TEX50: variants seen among roughly 807,000 people sequenced by gnomAD.
The protein encoded by TEX50 is testis-expressed protein 50.
TEX50 carries 3 observed loss-of-function variants against 9.8 expected under a neutral mutation model. That is an observed-to-expected ratio of 0.31 (90% confidence interval 0.14 to 0.79). TEX50 has a LOEUF of 0.79. Ranked by LOEUF, TEX50 falls within the 30% of genes least tolerant of loss-of-function variation. The probability of loss-of-function intolerance (pLI) is 0.63; values close to 1 mark genes in which losing one functional copy is unlikely to be tolerated. For missense variants in TEX50, 164 were observed against 199.3 expected, an observed-to-expected ratio of 0.82 and a Z score of 1.07; for synonymous variants, 61 against 72.1, an observed-to-expected ratio of 0.85 and a Z score of 0.78.
Position 173,635,485 on chromosome 1 carries a change from A to G in TEX50, c.-37A>G. Reference sequence around the variant, plus strand: ...CTAATTTAGCTATTTTAAAATAGCTAAATTTTAGCTACTTTTTTTTCAATT... The same window carrying G: ...CTAATTTAGCTATTTTAAAATAGCTGAATTTTAGCTACTTTTTTTTCAATT... On this transcript the variant is annotated 5_prime_UTR_variant, in exon 1 of 2. Transcript: ENST00000417563. 1 of 1,422,060 alleles carries G rather than the reference A, an allele frequency of 7.0e-7. No individual in the cohort carries two copies. Among genetic ancestry groups the G allele is most frequent in the African/African-American group, 1.4e-5 (1 of 69,268 alleles). 88.1% of individuals were successfully genotyped at this position (1,422,060 alleles called of 1,614,324 possible). A position where few individuals can be genotyped will look rare whatever the true frequency, so the allele number is the denominator to read the frequency against.
chr1:173,636,000 G>A (rs967642316), intron 1 of TEX50, among the ~76,000 whole-genome samples, 155 bp downstream of exon 1: 19 of 152,118 alleles, frequency 1.2e-4, no homozygotes, highest in Middle Eastern at 3.4e-3. Flanking sequence ...ACAGTATCTT[G>A]CTCATACTAG....
In TEX50 at chr1:173,636,935, T is replaced by C; in HGVS notation, c.433T>C (p.Tyr145His). Reference sequence around the variant, plus strand: ...AGTGGCAACCACAGCATCAGTGATATACAAGATCTGGGAGCACAGGTCTCA... The same window carrying C: ...AGTGGCAACCACAGCATCAGTGATACACAAGATCTGGGAGCACAGGTCTCA... ...HRVATTASVI[Y>H]KIWEHRSHHP... Residue 145 changes from tyrosine to histidine, a missense_variant, in exon 2 of 2, where the codon TAC becomes CAC. Around this residue, in one of 3 missense-constraint regions of TEX50, gnomAD observed 135 missense variants for 154.2 expected, o/e 0.88. Transcript: ENST00000417563. 6.5e-7 allele frequency: 1 copy of C among 1,535,770 alleles called. No homozygotes were observed. Among genetic ancestry groups the C allele is most frequent in the Non-Finnish European group, 8.7e-7 (1 of 1,146,712 alleles).
chr1:173,636,763 A>T, intron 1 of TEX50, 64 bp from the exon 2 acceptor site: 1 of 1,134,424 alleles, frequency 8.8e-7, no homozygotes, highest in Non-Finnish European at 1.3e-6. Flanking sequence ...ATTATTAACT[A>T]TACTATAGTA....
At chr1:173,636,731 A>T in intron 1 of TEX50, 96 bp from the exon 2 acceptor site, 1 of 862,616 alleles carries the variant, frequency 1.2e-6, no homozygotes. Flanking sequence ...CATATTTAGA[A>T]CATAAATTTA....
At position 173,635,707 on chromosome 1, in the gene TEX50, A is replaced by G. The variant is rs1189853100; in HGVS notation, c.186A>G (p.Leu62=). ...GCCTGCCTTATCTTCTGGATAAACTATGCTGCGACTTTGCTAACATGGATA... is the reference window on the plus strand; with the variant it reads ...GCCTGCCTTATCTTCTGGATAAACTGTGCTGCGACTTTGCTAACATGGATA... ...SHCLPYLLDK[L]CCDFANMDIF... Residue 62 remains leucine (L), a synonymous_variant, in exon 1 of 2, where the codon CTA becomes CTG. Coordinates refer to ENST00000417563, the MANE Select transcript of TEX50 (RefSeq NM_001195190.3). 1.5e-5 allele frequency: 23 copies of G among 1,535,606 alleles called. No homozygotes were observed. Among genetic ancestry groups the G allele is most frequent in the Non-Finnish European group, 1.9e-5 (22 of 1,146,602 alleles).
In TEX50 at chr1:173,637,052, A is replaced by C; in HGVS notation, c.*16A>C. On this transcript the variant is annotated 3_prime_UTR_variant, in exon 2 of 2. Coordinates refer to ENST00000417563, the MANE Select transcript of TEX50 (RefSeq NM_001195190.3). ...AAGATACTAAATAAATGCATATGCA[A>C]ATGTAGCTTAGTCAATTATAGATAT... 1 of 1,426,590 alleles carries C rather than the reference A, an allele frequency of 7.0e-7. No homozygotes were observed. Among genetic ancestry groups the C allele is most frequent in the Non-Finnish European group, 9.5e-7 (1 of 1,049,314 alleles). The allele number at this position is 1,426,590 out of a possible 1,614,324, so 88.4% of individuals were successfully genotyped here.
At position 173,635,639 on chromosome 1, in the gene TEX50, G is replaced by A. The variant is rs1205609869; in HGVS notation, c.118G>A (p.Glu40Lys). 6.5e-7 allele frequency: 1 copy of A among 1,535,520 alleles called. No homozygotes were observed. The highest frequency in any genetic ancestry group is 1.4e-5 in the African/African-American group (1 of 72,986). The stretch of plus-strand genomic sequence containing the variant: ...AAAGGTTGGATGGGAGATTCTTCCA[G>A]AAGAAGTACATTATTGGAAAGTTAA... The part of the protein sequence containing the change: ...WTKVGWEILP[E>K]EVHYWKVKGS... Residue 40 changes from glutamate (E) to lysine (K), a missense_variant, in exon 1 of 2, where the codon GAA becomes AAA. Transcript: ENST00000417563.
chr1:173,635,898 CATA>C (rs1668416546), intron 1 of TEX50, 53 bp downstream of exon 1: 3 of 1,270,758 alleles, frequency 2.4e-6, no homozygotes, highest in Middle Eastern at 2.0e-4. Flanking sequence ...GGGTTTAGAA[CATA>C]ATATTACTAG....
At chr1:173,636,475 A>T (rs1487608519) in intron 1 of TEX50, among the ~76,000 whole-genome samples, 3 of 152,206 alleles carry the variant, frequency 2.0e-5, no homozygotes, top group Non-Finnish European at 4.4e-5. Flanking sequence ...TCTTATTTTT[A>T]AAATGACTAT....
chr1:173,635,851 T>A lies in TEX50; in HGVS notation c.324+6T>A. 6.6e-7 allele frequency: 1 copy of A among 1,516,682 alleles called. No homozygotes were observed. The highest frequency in any genetic ancestry group is 8.8e-7 in the Non-Finnish European group (1 of 1,132,480). 94.0% of individuals were successfully genotyped at this position (1,516,682 alleles called of 1,614,324 possible). On this transcript the variant is annotated splice_donor_region_variant and intron_variant, in intron 1 of 1. Coordinates refer to ENST00000417563, the MANE Select transcript of TEX50 (RefSeq NM_001195190.3). Reference sequence around the variant, plus strand: ...GGAAGAAACACCAAAAAAAGGTGAATTCGTGATACAAGTAGTAATAGTTAC... The same window carrying A: ...GGAAGAAACACCAAAAAAAGGTGAAATCGTGATACAAGTAGTAATAGTTAC...
rs1219999981 is a variant in TEX50, at chr1:173,635,819, A to G, written c.298A>G (p.Lys100Glu). 4 of 1,530,282 alleles carry G rather than the reference A, an allele frequency of 2.6e-6. No homozygotes were observed. In the South Asian group the frequency reaches 4.8e-5, roughly 18 times the overall value. The allele number at this position is 1,530,282 out of a possible 1,614,324, so 94.8% of individuals were successfully genotyped here. ...LFVLSVHYLW[K>E]KWKKHQKKLK... Reference sequence around the variant, plus strand: ...TGTTTTGTCTGTGCATTACCTGTGGAAGAAATGGAAGAAACACCAAAAAAA... The same window carrying G: ...TGTTTTGTCTGTGCATTACCTGTGGGAGAAATGGAAGAAACACCAAAAAAA... The change falls in exon 1 of 2, where the codon AAG becomes GAG. Residue 100 changes from lysine (K) to glutamate (E), a missense_variant. Transcript: ENST00000417563.
In TEX50 at chr1:173,637,123, A is replaced by G. The variant is rs1668482617; in HGVS notation, c.*87A>G. 3 of 999,860 alleles carry G rather than the reference A, an allele frequency of 3.0e-6. No individual in the cohort carries two copies. The allele number at this position is 999,860 out of a possible 1,614,324, so 61.9% of individuals were successfully genotyped here. ...TAAGGATTAAAAATTGTTCTTTGGA[A>G]ACCTTTATAAACTTTTTGCCACAAT... On this transcript the variant is annotated 3_prime_UTR_variant, in exon 2 of 2. Coordinates refer to ENST00000417563, the MANE Select transcript of TEX50 (RefSeq NM_001195190.3).
chr1:173,636,449 A>G (rs1028373600), intron 1 of TEX50, among the ~76,000 whole-genome samples: 2 of 152,196 alleles, frequency 1.3e-5, no homozygotes, highest in African/African-American at 2.4e-5. Flanking sequence ...GAAGAATTAG[A>G]TATTTATAAA....
chr1:173,635,946 A>C, intron 1 of TEX50, 101 bp downstream of exon 1: 1 of 876,832 alleles, frequency 1.1e-6, no homozygotes. Context: ...TTTATTCCTC[A>C]TTGTAACCTT....
intron 1 of TEX50, among the ~76,000 whole-genome samples, chr1:173,636,135 TTATC>T (rs1668430977): frequency 6.6e-6 from 1 of 152,118 alleles, no homozygotes; most frequent in South Asian, 2.1e-4. Flanking sequence ...GAAAATCAAG[TTATC>T]TGTCTGGGTC....
chr1:173,637,065 C>A lies in TEX50; in HGVS notation c.*29C>A. Reference sequence around the variant, plus strand: ...AATGCATATGCAAATGTAGCTTAGTCAATTATAGATATCACAAAAGAAATC... The same window carrying A: ...AATGCATATGCAAATGTAGCTTAGTAAATTATAGATATCACAAAAGAAATC... On this transcript the variant is annotated 3_prime_UTR_variant, in exon 2 of 2. Coordinates refer to ENST00000417563, the MANE Select transcript of TEX50 (RefSeq NM_001195190.3). 1.5e-6 allele frequency: 2 copies of A among 1,347,288 alleles called. No homozygotes were observed. Among genetic ancestry groups the A allele is most frequent in the South Asian group, 1.3e-5 (1 of 78,770 alleles). 83.5% of individuals were successfully genotyped at this position (1,347,288 alleles called of 1,614,324 possible). A position where few individuals can be genotyped will look rare whatever the true frequency, so the allele number is the denominator to read the frequency against.
intron 1 of TEX50, 133 bp downstream of exon 1, chr1:173,635,978 C>T (rs1191065254): frequency 1.5e-6 from 1 of 670,718 alleles, no homozygotes; most frequent in Non-Finnish European, 2.5e-6. Context: ...CCATTCATTC[C>T]CAGCATCTAG....
At chr1:173,636,768 A>G (rs1160175088) in intron 1 of TEX50, 59 bp from the exon 2 acceptor site, 1 of 1,173,146 alleles carries the variant, frequency 8.5e-7, no homozygotes, top group Non-Finnish European at 1.2e-6. Context: ...TAACTATACT[A>G]TAGTATTGAA....
Position 173,637,049 on chromosome 1 carries a change from G to A in TEX50, c.*13G>A. The A allele has an allele frequency of 7.0e-7, 1 of 1,432,068 alleles. No individual in the cohort carries two copies. The highest frequency in any genetic ancestry group is 1.4e-5 in the African/African-American group (1 of 70,016). The allele number at this position is 1,432,068 out of a possible 1,614,324, so 88.7% of individuals were successfully genotyped here. A position where few individuals can be genotyped will look rare whatever the true frequency, so the allele number is the denominator to read the frequency against. On this transcript the variant is annotated 3_prime_UTR_variant, in exon 2 of 2. Coordinates refer to ENST00000417563, the MANE Select transcript of TEX50 (RefSeq NM_001195190.3). ...CAGAAGATACTAAATAAATGCATATGCAAATGTAGCTTAGTCAATTATAGA... is the reference window on the plus strand; with the variant it reads ...CAGAAGATACTAAATAAATGCATATACAAATGTAGCTTAGTCAATTATAGA...
Sources: allele counts gnomAD v4.1 joint callset (sites outside exome capture counted in the v4.1 genomes callset), GRCh38; gene constraint gnomAD v4.1.1; regional missense constraint gnomAD v4.1.1; transcripts MANE v1.5; gene names NCBI Gene and HGNC (gene_info 2026-07-23, HGNC 2026-07-21).